Variants in SELENOI observed in about 807,000 individuals in gnomAD.
SELENOI encodes ethanolaminephosphotransferase 1.
Under a neutral mutation model 50.7 loss-of-function variants are expected in SELENOI, and 24 were observed. The ratio of observed to expected loss-of-function variants is 0.47; its 90% CI spans 0.34 to 0.67. SELENOI has a LOEUF of 0.67. SELENOI is among the 30% of genes least tolerant of loss of function. SELENOI has a pLI of 0.01. For synonymous variants in SELENOI, 155 were observed against 170.2 expected (o/e 0.91, Z 0.70); for missense variants, 352 against 461.4 (o/e 0.76, Z 2.17).
chr2:26,380,457 C>T (rs1677664491), intron 6 of SELENOI, among the ~76,000 whole-genome samples: 1 of 152,170 alleles, frequency 6.6e-6, no homozygotes, highest in Admixed American at 6.5e-5. Flanking sequence ...CTATAAGGAG[C>T]CTCCTCAGTC....
rs778016845 is a variant in SELENOI at position 26,386,374 on chromosome 2, A to G, written c.933A>G (p.Gln311=). The G allele has an allele frequency of 1.2e-6, 2 of 1,610,464 alleles. No homozygotes were observed. Among genetic ancestry groups the G allele is most frequent in the South Asian group, 1.1e-5 (1 of 90,014 alleles). The change falls in exon 9 of 10, where the codon CAA becomes CAG. Residue 311 remains glutamine (Q), a synonymous_variant. Transcript: ENST00000260585. ...TCCAGTGTCAGCTGATTGTTTGCCAAATGAGTAGTACCCGGTGTCCAACTT... is the reference window on the plus strand; with the variant it reads ...TCCAGTGTCAGCTGATTGTTTGCCAGATGAGTAGTACCCGGTGTCCAACTT... The part of the protein sequence containing the change: ...ANSTCQLIVC[Q]MSSTRCPTLN...
chr2:26,348,996 C>CT lies in SELENOI; in HGVS notation c.57+2742dup, dbSNP rs869073468. Among the ~76,000 whole-genome samples, 133 of 57,710 alleles carry CT rather than the reference C, an allele frequency of 2.3e-3. 17 individuals carry two copies. The highest frequency in any genetic ancestry group is 2.8e-3 in the Non-Finnish European group (77 of 27,880). The allele number at this position is 57,710 out of a possible 152,430, so 37.9% of individuals were successfully genotyped here. On this transcript the variant is annotated intron_variant, in intron 1 of 9. Transcript: ENST00000260585. ...CTACCCATCCTTTGTTTTGGACAGG[C>CT]TTTTTTTTTTTTTTTTTTTTTTTTT...
chr2:26,356,956 C>T (rs1457691947), intron 1 of SELENOI, among the ~76,000 whole-genome samples: 4 of 151,424 alleles, frequency 2.6e-5, no homozygotes, highest in Non-Finnish European at 4.4e-5. Flanking sequence ...ATCCCTACCT[C>T]CACACACACA....
chr2:26,377,520 T>G (rs549905251), intron 6 of SELENOI, among the ~76,000 whole-genome samples: 2 of 152,078 alleles, frequency 1.3e-5, no homozygotes, highest in East Asian at 3.9e-4. Flanking sequence ...TAGTCCCAGT[T>G]ACTTGGGAGG....
At chr2:26,348,440 A>G (rs12713817) in intron 1 of SELENOI, among the ~76,000 whole-genome samples, 149,841 of 152,334 alleles carry the variant, frequency 0.98, 73,726 homozygotes, top group East Asian at 1. Context: ...TGGAAACCTG[A>G]CAGATATACA....
chr2:26,364,056 T>A (rs1677235353), intron 1 of SELENOI, among the ~76,000 whole-genome samples: 1 of 151,526 alleles, frequency 6.6e-6, no homozygotes. Flanking sequence ...AGTATTTTTG[T>A]ACTATTACTT....
intron 6 of SELENOI, among the ~76,000 whole-genome samples, chr2:26,378,036 T>C (rs954119316): frequency 6.6e-6 from 1 of 152,208 alleles, no homozygotes; most frequent in African/African-American, 2.4e-5. Context: ...CTCTTGTCTC[T>C]GTTTGGTTAT....
At chr2:26,364,046 A>AGTAT (rs1353350733) in intron 1 of SELENOI, among the ~76,000 whole-genome samples, 1 of 146,532 alleles carries the variant, frequency 6.8e-6, no homozygotes, top group Non-Finnish European at 1.5e-5. Context: ...CCTGGCCTGT[A>AGTAT]GTATTTTTGT....
At chr2:26,371,973 C>G (rs1325777620) in intron 4 of SELENOI, among the ~76,000 whole-genome samples, 1 of 152,182 alleles carries the variant, frequency 6.6e-6, no homozygotes, top group Admixed American at 6.5e-5. Flanking sequence ...AAATCCAACT[C>G]ATTCTTTATG....
At chr2:26,357,123 A>C (rs1677080791) in intron 1 of SELENOI, among the ~76,000 whole-genome samples, 1 of 152,220 alleles carries the variant, frequency 6.6e-6, no homozygotes, top group South Asian at 2.1e-4. Flanking sequence ...CTCAAGATAC[A>C]GAATTATTTC....
chr2:26,352,209 G>A (rs1339581009), intron 1 of SELENOI, among the ~76,000 whole-genome samples: 1 of 152,126 alleles, frequency 6.6e-6, no homozygotes, highest in Non-Finnish European at 1.5e-5. Flanking sequence ...GTTTTGGGGA[G>A]CCACTGTTTA....
intron 6 of SELENOI, among the ~76,000 whole-genome samples, chr2:26,379,578 G>T (rs1677641270): frequency 6.6e-6 from 1 of 151,838 alleles, no homozygotes; most frequent in Non-Finnish European, 1.5e-5. Flanking sequence ...TTCAGGTTTT[G>T]TATGTCTGTT....
intron 1 of SELENOI, among the ~76,000 whole-genome samples, chr2:26,362,648 C>T (rs548366466): frequency 9.9e-5 from 15 of 151,278 alleles, no homozygotes; most frequent in African/African-American, 3.1e-4. Flanking sequence ...CCCAGCTACT[C>T]GGGAGGCTGA....
At chr2:26,364,165 C>T (rs1207080366) in intron 1 of SELENOI, 137 bp from the exon 2 acceptor site, 2 of 598,170 alleles carry the variant, frequency 3.3e-6, no homozygotes, top group African/African-American at 2.0e-5. Flanking sequence ...GATCCTCAGG[C>T]CTCAGCCTTT....
chr2:26,389,329 TACGTTAG>T lies in SELENOI; in HGVS notation c.*229_*235del, dbSNP rs967320050. The T allele has an allele frequency of 6.8e-6, 3 of 442,368 alleles. No individual in the cohort carries two copies. Among genetic ancestry groups the T allele is most frequent in the African/African-American group, 5.9e-5 (3 of 51,168 alleles). 27.4% of individuals were successfully genotyped at this position (442,368 alleles called of 1,614,324 possible). A position where few individuals can be genotyped will look rare whatever the true frequency, so the allele number is the denominator to read the frequency against. ...TGTGACATTTTGGTTGAGCAGAATG[TACGTTAG>T]ACCAGCAAAATGTTCCTAATGGTTC... On this transcript the variant is annotated 3_prime_UTR_variant, in exon 10 of 10. Transcript: ENST00000260585.
At chr2:26,370,112 C>T (rs529877724) in intron 4 of SELENOI, among the ~76,000 whole-genome samples, 73 of 151,188 alleles carry the variant, frequency 4.8e-4, no homozygotes, top group African/African-American at 1.5e-3. Context: ...CATCTTGCAC[C>T]GCCCTTAATC....
chr2:26,371,597 G>C (rs1037125100), intron 4 of SELENOI, among the ~76,000 whole-genome samples: 12 of 152,240 alleles, frequency 7.9e-5, no homozygotes, highest in Non-Finnish European at 1.3e-4. Context: ...ACCAGACTCC[G>C]TCTGCAATCC....
chr2:26,370,460 C>T (rs1162895335), intron 4 of SELENOI, among the ~76,000 whole-genome samples: 1 of 151,754 alleles, frequency 6.6e-6, no homozygotes, highest in Non-Finnish European at 1.5e-5. Context: ...CCTCACCTCC[C>T]GGACGGGGCG....
chr2:26,388,688 A>G (rs779257024), intron 9 of SELENOI, among the ~76,000 whole-genome samples: 2 of 152,190 alleles, frequency 1.3e-5, no homozygotes, highest in Non-Finnish European at 2.9e-5. Context: ...GAGTCTAACT[A>G]TAAATATGAT....
Sources: allele counts gnomAD v4.1 joint callset (sites outside exome capture counted in the v4.1 genomes callset), GRCh38; gene constraint gnomAD v4.1.1; transcripts MANE v1.5; gene names NCBI Gene and HGNC (gene_info 2026-07-23, HGNC 2026-07-21).